The following SLC33A1 variants were observed in gnomAD, a reference collection of about 807,000 sequenced individuals.
SLC33A1 encodes solute carrier family 33 member 1, also known as acetyl-coenzyme A transporter 1.
A neutral mutation model predicts 50.0 loss-of-function variants in SLC33A1; 20 were observed. The ratio of observed to expected loss-of-function variants is 0.40; its 90% CI spans 0.28 to 0.58. The LOEUF is 0.58. Ranked by LOEUF, SLC33A1 falls within the 20% of genes least tolerant of loss-of-function variation. The probability of loss-of-function intolerance (pLI) is 0.44; values close to 1 mark genes in which losing one functional copy is unlikely to be tolerated. For missense variants in SLC33A1, 476 were observed against 657.0 expected (o/e 0.72, Z 3.01); for synonymous variants, 265 against 251.8 (o/e 1.05, Z -0.50).
intron 1 of SLC33A1, among the ~76,000 whole-genome samples, chr3:155,850,968 G>C (rs996068392): frequency 1.3e-5 from 2 of 151,458 alleles, no homozygotes; most frequent in Non-Finnish European, 2.9e-5. Context: ...TTTTGGCTGG[G>C]CGCAGTGGCT....
chr3:155,845,086 A>G (rs1277788497), intron 1 of SLC33A1: 1 of 152,188 alleles, frequency 6.6e-6, no homozygotes, highest in Middle Eastern at 3.2e-3. Flanking sequence ...CCTGAAAAAA[A>G]AATAATTTTC....
intron 1 of SLC33A1, among the ~76,000 whole-genome samples, chr3:155,844,447 ATATATATATATTTTTTTTTTTTTTTT>A (rs1753064992): frequency 3.4e-5 from 1 of 29,176 alleles, no homozygotes; most frequent in East Asian, 1.2e-3. Context: ...ATATATATAT[ATATATATATATTTTTTTTTTTTTTTT>A]TTTTTTTTTT....
rs768689327 is a variant in SLC33A1, at chr3:155,833,333, G to T, written c.1266+135C>A. 14 of 734,468 alleles carry T rather than the reference G, an allele frequency of 1.9e-5. No homozygotes were observed. The African/African-American group carries it at 2.3e-4, about 12-fold the overall frequency. The allele number at this position is 734,468 out of a possible 1,614,324, so 45.5% of individuals were successfully genotyped here. The stretch of plus-strand genomic sequence containing the variant: ...AGTGAAAAGTCATAAAGTTTAAAGC[G>T]CACCATCAATAATTTCTTCAGTGTC... On this transcript the variant is annotated intron_variant, in intron 4 of 5. Transcript: ENST00000643144.
chr3:155,830,067 G>GATC (rs1752350310), intron 4 of SLC33A1, among the ~76,000 whole-genome samples, 164 bp from the exon 5 acceptor site: 1 of 152,102 alleles, frequency 6.6e-6, no homozygotes, highest in Non-Finnish European at 1.5e-5. Flanking sequence ...CAGGCTTTAA[G>GATC]ATCACAGCAA....
chr3:155,833,679 G>A, intron 3 of SLC33A1, 94 bp from the exon 4 acceptor site: 1 of 960,006 alleles, frequency 1.0e-6, no homozygotes, highest in Non-Finnish European at 1.7e-6. Flanking sequence ...TATGAAAGAA[G>A]CTGTATCTAA....
chr3:155,847,917 C>A (rs1241923849), intron 1 of SLC33A1, among the ~76,000 whole-genome samples: 1 of 152,136 alleles, frequency 6.6e-6, no homozygotes, highest in Admixed American at 6.6e-5. Context: ...TATAAACAAA[C>A]TGATTTATAA....
rs749461544 is a variant in SLC33A1, at chr3:155,853,688, C to A, written c.310G>T (p.Val104Phe). ...AAGAAAGCTTGGTCTGTATAGCTAA[C>A]ATTTTTGCTTTGCAAAATGAGTGGG... ...SIPLILQSKN[V>F]SYTDQAFFSF... Residue 104 changes from valine to phenylalanine, a missense_variant, in exon 1 of 6, where the codon GTT becomes TTT. Transcript: ENST00000643144. The A allele has an allele frequency of 2.0e-5, 32 of 1,614,080 alleles. No homozygotes were observed. Among genetic ancestry groups the A allele is most frequent in the Non-Finnish European group, 2.6e-5 (31 of 1,180,044 alleles).
rs534986071 is a variant in SLC33A1, at chr3:155,826,401, A to C, written c.*1809T>G. The C allele has an allele frequency of 4.6e-5, 7 of 152,220 alleles. No individual in the cohort carries two copies. The highest frequency in any genetic ancestry group is 4.2e-4 in the South Asian group (2 of 4,818). The allele number at this position is 152,220 out of a possible 1,614,324, so 9.4% of individuals were successfully genotyped here. A position where few individuals can be genotyped will look rare whatever the true frequency, so the allele number is the denominator to read the frequency against. The stretch of plus-strand genomic sequence containing the variant: ...GACTCTGTCTCAATTAAAAAAAAAA[A>C]AAACTATGTTTGAAAGTATATATAA... On this transcript the variant is annotated 3_prime_UTR_variant, in exon 6 of 6. Transcript: ENST00000643144.
chr3:155,833,216 C>T lies in SLC33A1; in HGVS notation c.1266+252G>A, dbSNP rs503139. 0.41 allele frequency among the ~76,000 whole-genome samples: 62,471 copies of T among 151,750 alleles called. 15,360 individuals are homozygous for T. The highest frequency in any genetic ancestry group is 0.69 in the African/African-American group (28,613 of 41,406). On this transcript the variant is annotated intron_variant, in intron 4 of 5. Transcript: ENST00000643144. Reference sequence around the variant, plus strand: ...GTGAGCCGAGACTGCACCACTGCACCCCAGCCTGGGTGACAGAGCAAGACT... The same window carrying T: ...GTGAGCCGAGACTGCACCACTGCACTCCAGCCTGGGTGACAGAGCAAGACT...
intron 2 of SLC33A1, among the ~76,000 whole-genome samples, chr3:155,834,667 T>C (rs1355474745): frequency 4.6e-5 from 7 of 152,124 alleles, no homozygotes; most frequent in Non-Finnish European, 7.4e-5. Context: ...AGTTTTTAAT[T>C]ACAAAAGAAA....
chr3:155,843,766 A>C (rs1753016629), intron 1 of SLC33A1, among the ~76,000 whole-genome samples: 1 of 152,190 alleles, frequency 6.6e-6, no homozygotes, highest in Non-Finnish European at 1.5e-5. Flanking sequence ...GTTACATTCT[A>C]AGTCAGTGGT....
At chr3:155,842,700 T>C in intron 1 of SLC33A1, 81 bp from the exon 2 acceptor site, 1 of 806,306 alleles carries the variant, frequency 1.2e-6, no homozygotes, top group Middle Eastern at 3.7e-4. Flanking sequence ...TACAATAACT[T>C]TCAATTAAAA....
In SLC33A1 at chr3:155,828,112, T is replaced by C; in HGVS notation, c.*98A>G. On this transcript the variant is annotated 3_prime_UTR_variant, in exon 6 of 6. Coordinates refer to ENST00000643144, the MANE Select transcript of SLC33A1 (RefSeq NM_004733.4). ...ATTTTATATTATTAATTTCGCTGTT[T>C]AAAATAATATTTTATACTCCTGTGC... 1.1e-6 allele frequency: 1 copy of C among 870,854 alleles called. No individual in the cohort carries two copies. The highest frequency in any genetic ancestry group is 1.9e-6 in the Non-Finnish European group (1 of 531,864). 53.9% of individuals were successfully genotyped at this position (870,854 alleles called of 1,614,324 possible). A position where few individuals can be genotyped will look rare whatever the true frequency, so the allele number is the denominator to read the frequency against.
At chr3:155,849,587 G>GA (rs72107048) in intron 1 of SLC33A1, among the ~76,000 whole-genome samples, 119 of 141,250 alleles carry the variant, frequency 8.4e-4, no homozygotes, top group African/African-American at 1.2e-3. Flanking sequence ...AATTCCACAG[G>GA]AAAAAAAAAA....
rs751512141 is a variant in SLC33A1 at position 155,833,530 on chromosome 3, G to GTTC, written c.1201_1203dup (p.Glu401dup). The GTTC allele has an allele frequency of 1.2e-5, 19 of 1,604,806 alleles. 2 individuals carry two copies. In the South Asian group the frequency reaches 2.0e-4, roughly 17 times the overall value. ...TAATATATAGGGAATCCCCCTTGAT[G>GTTC]TTCTACTTTAGGAGTCCACCAAACC... On this transcript the variant is annotated inframe_insertion, in exon 4 of 6. Transcript: ENST00000643144.
chr3:155,828,896 GT>G (rs11355046), intron 5 of SLC33A1, among the ~76,000 whole-genome samples: 40,217 of 128,742 alleles, frequency 0.31, 8,716 homozygotes, highest in African/African-American at 0.62. Context: ...AGCCGAATAT[GT>G]TTTTTTTTTT....
chr3:155,835,200 T>A (rs971149898), intron 2 of SLC33A1, among the ~76,000 whole-genome samples: 13 of 152,314 alleles, frequency 8.5e-5, no homozygotes, highest in Admixed American at 4.6e-4. Flanking sequence ...AAGACATATG[T>A]AATGGATATA....
At chr3:155,835,305 CAT>C (rs1023783931) in intron 2 of SLC33A1, among the ~76,000 whole-genome samples, 2 of 152,094 alleles carry the variant, frequency 1.3e-5, no homozygotes, top group Non-Finnish European at 1.5e-5. Flanking sequence ...TCTACTAATA[CAT>C]TTTCAAGAAG....
intron 2 of SLC33A1, among the ~76,000 whole-genome samples, chr3:155,839,114 C>G (rs1233157532): frequency 6.6e-6 from 1 of 151,492 alleles, no homozygotes; most frequent in Non-Finnish European, 1.5e-5. Flanking sequence ...CATGGAGAAA[C>G]CCCATCTCTA....
Sources: gnomAD v4.1 joint callset for allele counts (sites outside exome capture counted in the v4.1 genomes callset) on GRCh38, gnomAD v4.1.1 for gene constraint, MANE v1.5 for transcripts, NCBI Gene and HGNC (gene_info 2026-07-23, HGNC 2026-07-21) for gene names.